Variants in INSYN2A observed in about 807,000 individuals in gnomAD.
INSYN2A encodes the protein inhibitory synaptic factor 2A.
Under a neutral mutation model 39.4 loss-of-function variants are expected in INSYN2A, and 17 were observed. The observed-to-expected ratio is 0.43, with a 90% CI of 0.30 to 0.65. The LOEUF (loss-of-function observed/expected upper bound fraction) is 0.65, where lower values mean the gene tolerates loss of function less well. INSYN2A is among the 30% of genes least tolerant of loss of function. INSYN2A has a pLI of 0.14. For synonymous variants in INSYN2A, 255 were observed against 265.7 expected, an observed-to-expected ratio of 0.96 and a Z score of 0.39; for missense variants, 595 against 631.2, an observed-to-expected ratio of 0.94 and a Z score of 0.61.
chr10:127,187,918 G>A (rs935533332), intron 2 of INSYN2A, among the ~76,000 whole-genome samples: 16 of 152,112 alleles, frequency 1.1e-4, no homozygotes, highest in Non-Finnish European at 2.1e-4. Context: ...ATGCACATAC[G>A]ATAAAGAACC....
chr10:127,184,892 G>A (rs1409937065), intron 2 of INSYN2A, among the ~76,000 whole-genome samples: 4 of 152,198 alleles, frequency 2.6e-5, no homozygotes, highest in Non-Finnish European at 5.9e-5. Flanking sequence ...AACAGTGCAT[G>A]CCTGGGGTGA....
At chr10:127,189,741 T>C (rs2056576097) in intron 2 of INSYN2A, among the ~76,000 whole-genome samples, 1 of 152,206 alleles carries the variant, frequency 6.6e-6, no homozygotes, top group South Asian at 2.1e-4. Context: ...CACAGTACGT[T>C]TGCACATGGC....
At chr10:127,154,036 GA>G in intron 4 of INSYN2A, 113 bp from the exon 5 acceptor site, 1 of 740,522 alleles carries the variant, frequency 1.4e-6, no homozygotes, top group South Asian at 1.6e-5. Flanking sequence ...CATGGTCATG[GA>G]AATTGATTAA....
rs1592162795 is a variant in INSYN2A at position 127,136,870 on chromosome 10, G to A, written c.*967C>T. 1 of 152,488 alleles carries A rather than the reference G, an allele frequency of 6.6e-6. No individual in the cohort carries two copies. Among genetic ancestry groups the A allele is most frequent in the Admixed American group, 6.5e-5 (1 of 15,270 alleles). The allele number at this position is 152,488 out of a possible 1,614,324, so 9.4% of individuals were successfully genotyped here. A position where few individuals can be genotyped will look rare whatever the true frequency, so the allele number is the denominator to read the frequency against. On this transcript the variant is annotated 3_prime_UTR_variant, in exon 6 of 6. Transcript: ENST00000522781. ...CAAAGCATAACGAATTGTACATAAC[G>A]TCTGGCTGCACTTACCATGGCTAAC...
At chr10:127,141,303 C>T (rs1171857733) in intron 5 of INSYN2A, among the ~76,000 whole-genome samples, 1 of 152,190 alleles carries the variant, frequency 6.6e-6, no homozygotes, top group Non-Finnish European at 1.5e-5. Flanking sequence ...ATCAGAGATG[C>T]CATGCGGTCA....
rs2057118262 is a variant in INSYN2A, at chr10:127,196,106, C to G, written c.-504G>C. 2 of 152,068 alleles carry G rather than the reference C, an allele frequency of 1.3e-5. No homozygotes were observed. The highest frequency in any genetic ancestry group is 1.3e-4 in the Admixed American group (2 of 15,268). 9.4% of individuals were successfully genotyped at this position (152,068 alleles called of 1,614,324 possible). On this transcript the variant is annotated 5_prime_UTR_variant, in exon 1 of 6. Transcript: ENST00000522781. ...GCACGGAGCACTCCGGACAGGGCAT[C>G]CGCGGCCAGACTCGCCGCGCTCACG...
At chr10:127,180,087 C>G (rs1398743389) in intron 2 of INSYN2A, among the ~76,000 whole-genome samples, 1 of 152,200 alleles carries the variant, frequency 6.6e-6, no homozygotes, top group Non-Finnish European at 1.5e-5. Context: ...CCCACTACCC[C>G]TGCTCAAGGA....
At chr10:127,195,496 G>T (rs946974265) in intron 1 of INSYN2A, among the ~76,000 whole-genome samples, 1 of 152,248 alleles carries the variant, frequency 6.6e-6, no homozygotes, top group African/African-American at 2.4e-5. Flanking sequence ...TCAACGGCCG[G>T]CGTCAGGGCC....
chr10:127,149,748 C>A (rs1239746992), intron 5 of INSYN2A, among the ~76,000 whole-genome samples: 1 of 152,190 alleles, frequency 6.6e-6, no homozygotes, highest in Admixed American at 6.5e-5. Context: ...GATGGCCCCA[C>A]GTGTTCTCAA....
rs371707213 is a variant in INSYN2A at position 127,176,353 on chromosome 10, C to T, written c.43G>A (p.Glu15Lys). Residue 15 changes from glutamate to lysine, a missense_variant, in exon 4 of 6, where the codon GAG becomes AAG. Around this residue, in one of 2 missense-constraint regions of INSYN2A, gnomAD observed 478 missense variants for 467.4 expected, o/e 1.02. Transcript: ENST00000522781. The surrounding 1 kb of genome is among the most constrained non-coding windows in gnomAD (Gnocchi z 4.4). ...CAGGCGGCGGGTTCCACTTCACTCT[C>T]CGACGTTGTGAGTATGCATTTGCCG... The part of the protein sequence containing the change: ...DTGKCILTTS[E>K]SEVEPAACLA... The T allele has an allele frequency of 6.2e-7, 1 of 1,613,460 alleles. No homozygotes were observed. Among genetic ancestry groups the T allele is most frequent in the African/African-American group, 1.3e-5 (1 of 75,010 alleles).
intron 2 of INSYN2A, among the ~76,000 whole-genome samples, chr10:127,186,479 C>A (rs191490358): frequency 3.8e-5 from 5 of 130,768 alleles, no homozygotes; most frequent in Non-Finnish European, 6.3e-5. Context: ...ATTTCACTCA[C>A]AATCATGATA....
At chr10:127,146,097 A>G (rs750101476) in intron 5 of INSYN2A, 2 of 511,432 alleles carry the variant, frequency 3.9e-6, no homozygotes, top group South Asian at 2.9e-5. Context: ...AAAAATCTCC[A>G]TACTCATCTA....
chr10:127,168,144 C>T lies in INSYN2A; in HGVS notation c.1184+7068G>A, dbSNP rs570810460. On this transcript the variant is annotated intron_variant, in intron 4 of 5. Coordinates refer to ENST00000522781, the MANE Select transcript of INSYN2A (RefSeq NM_001039762.3). ...AGAGGGAAGGTCAGCATCTCAGGAC[C>T]TGCAGAGTGGAGAGCCTGGTCACCC... Among the ~76,000 whole-genome samples, 3 of 152,300 alleles carry T rather than the reference C, an allele frequency of 2.0e-5. No individual in the cohort carries two copies. The South Asian group carries it at 6.2e-4, about 32-fold the overall frequency.
chr10:127,138,145 A>G, intron 5 of INSYN2A, 125 bp from the exon 6 acceptor site: 1 of 822,508 alleles, frequency 1.2e-6, no homozygotes, highest in Non-Finnish European at 1.9e-6. Flanking sequence ...GTTTAATAAT[A>G]GCAATTCGAT....
intron 2 of INSYN2A, among the ~76,000 whole-genome samples, chr10:127,180,634 G>A (rs753814040): frequency 6.6e-6 from 1 of 152,192 alleles, no homozygotes. Context: ...ATCTCTGCAT[G>A]CTGCTTTAAA....
At position 127,136,340 on chromosome 10, in the gene INSYN2A, A is replaced by T. The variant is rs2050693894; in HGVS notation, c.*1497T>A. 1 of 152,188 alleles carries T rather than the reference A, an allele frequency of 6.6e-6. No homozygotes were observed. The highest frequency in any genetic ancestry group is 1.5e-5 in the Non-Finnish European group (1 of 68,028). 9.4% of individuals were successfully genotyped at this position (152,188 alleles called of 1,614,324 possible). On this transcript the variant is annotated 3_prime_UTR_variant, in exon 6 of 6. Transcript: ENST00000522781. ...CAAAAGCAGGTGAGATCCTTTTACC[A>T]AGGTTAGCCACTGTGTGTTTGGCAT...
At chr10:127,157,101 C>T (rs576922001) in intron 4 of INSYN2A, among the ~76,000 whole-genome samples, 4 of 152,240 alleles carry the variant, frequency 2.6e-5, no homozygotes, top group Admixed American at 6.5e-5. Flanking sequence ...CATAAATGAG[C>T]GAACGGTTAA....
intron 4 of INSYN2A, among the ~76,000 whole-genome samples, chr10:127,164,003 A>G (rs2053832793): frequency 6.6e-6 from 1 of 151,790 alleles, no homozygotes; most frequent in South Asian, 2.1e-4. Flanking sequence ...TTCATTATCA[A>G]GAATTAAAGG....
At chr10:127,148,101 A>C (rs1156388622) in intron 5 of INSYN2A, among the ~76,000 whole-genome samples, 1 of 152,046 alleles carries the variant, frequency 6.6e-6, no homozygotes, top group Non-Finnish European at 1.5e-5. Context: ...TCAAACAGTG[A>C]AAGCATGGAG....
Sources: gnomAD v4.1 joint callset for allele counts (sites outside exome capture counted in the v4.1 genomes callset) on GRCh38, gnomAD v4.1.1 for gene constraint, gnomAD v4.1.1 regional missense constraint, Gnocchi (gnomAD v3.1) non-coding constraint, MANE v1.5 for transcripts, NCBI Gene and HGNC (gene_info 2026-07-23, HGNC 2026-07-21) for gene names.